MYRIP: variants seen among roughly 807,000 people sequenced by gnomAD.
MYRIP encodes the protein rab effector MyRIP.
A neutral mutation model predicts 98.0 loss-of-function variants in MYRIP; 49 were observed. The ratio of observed to expected loss-of-function variants is 0.50; its 90% CI spans 0.40 to 0.63. The LOEUF is 0.63. Ranked by LOEUF, MYRIP falls within the 30% of genes least tolerant of loss-of-function variation. The probability of loss-of-function intolerance (pLI) is 0.00; values close to 1 mark genes in which losing one functional copy is unlikely to be tolerated. For synonymous variants in MYRIP, 404 were observed against 409.5 expected, an observed-to-expected ratio of 0.99 and a Z score of 0.16; for missense variants, 1,004 against 1,058.2, an observed-to-expected ratio of 0.95 and a Z score of 0.71.
At chr3:39,881,985 C>T (rs529236013) in intron 1 of MYRIP, among the ~76,000 whole-genome samples, 5 of 151,928 alleles carry the variant, frequency 3.3e-5, no homozygotes, top group African/African-American at 1.2e-4. Context: ...TTTTGAGAGA[C>T]AGCATAGGAA....
At chr3:40,198,643 T>C (rs1951466741) in intron 10 of MYRIP, among the ~76,000 whole-genome samples, 1 of 152,208 alleles carries the variant, frequency 6.6e-6, no homozygotes, top group South Asian at 2.1e-4. Context: ...TTTTTGTTGA[T>C]TGAGACTTCA....
chr3:39,932,678 G>A (rs931344147), intron 2 of MYRIP, among the ~76,000 whole-genome samples: 1 of 152,112 alleles, frequency 6.6e-6, no homozygotes, highest in Non-Finnish European at 1.5e-5. Flanking sequence ...CCCTTTCAAT[G>A]TTCATTGACC....
rs551704619 is a variant in MYRIP, at chr3:39,819,118, G to A, written c.-31+9202G>A. On this transcript the variant is annotated intron_variant, in intron 1 of 16. Coordinates refer to ENST00000302541, the MANE Select transcript of MYRIP (RefSeq NM_015460.4). The stretch of plus-strand genomic sequence containing the variant: ...AATTCCAACACTTTGGGAGGCCGAG[G>A]TGTGTGGATCACCTGAGGTCAGGAG... 3.9e-5 allele frequency among the ~76,000 whole-genome samples: 6 copies of A among 152,318 alleles called. No individual in the cohort carries two copies. The South Asian group carries it at 6.2e-4, about 16-fold the overall frequency.
At chr3:40,029,426 T>C (rs1186021480) in intron 2 of MYRIP, among the ~76,000 whole-genome samples, 3 of 152,174 alleles carry the variant, frequency 2.0e-5, no homozygotes, top group Non-Finnish European at 2.9e-5. Flanking sequence ...TGCAGAGCAG[T>C]GAGCCCTGCT....
At chr3:40,132,987 C>T (rs1949678762) in intron 3 of MYRIP, among the ~76,000 whole-genome samples, 1 of 152,230 alleles carries the variant, frequency 6.6e-6, no homozygotes, top group South Asian at 2.1e-4. Flanking sequence ...AGCACTGGCT[C>T]ATGGTGGGAA....
chr3:39,861,792 G>GA (rs1230124699), intron 1 of MYRIP, among the ~76,000 whole-genome samples: 1 of 151,848 alleles, frequency 6.6e-6, no homozygotes, highest in Non-Finnish European at 1.5e-5. Flanking sequence ...AAAAGTAAAG[G>GA]AAAAAACAAT....
intron 3 of MYRIP, among the ~76,000 whole-genome samples, chr3:40,069,141 G>A (rs865841093): frequency 1.1e-4 from 16 of 152,256 alleles, no homozygotes; most frequent in Admixed American, 6.5e-4. Context: ...TCTCAGAAGT[G>A]GGTTCAGTAA....
chr3:39,877,732 T>G (rs1161444282), intron 1 of MYRIP, among the ~76,000 whole-genome samples: 3 of 152,138 alleles, frequency 2.0e-5, no homozygotes, highest in Non-Finnish European at 4.4e-5. Context: ...CCCGGCCATG[T>G]GAGGTGTCAG....
intron 1 of MYRIP, among the ~76,000 whole-genome samples, chr3:39,853,904 T>G (rs1424534065): frequency 6.6e-6 from 1 of 152,214 alleles, no homozygotes. Context: ...GATTTAAGTC[T>G]GATCTATCTT....
chr3:40,170,122 C>T (rs755911606), intron 8 of MYRIP, 29 bp downstream of exon 8: 1 of 1,611,752 alleles, frequency 6.2e-7, no homozygotes. Flanking sequence ...CTGGTCTACC[C>T]TCCACACGTG....
At chr3:39,980,288 G>A (rs35006569) in intron 2 of MYRIP, among the ~76,000 whole-genome samples, 41,976 of 152,124 alleles carry the variant, frequency 0.28, 6,442 homozygotes, top group Non-Finnish European at 0.35. Context: ...CCTTAAGGCA[G>A]GTGGCTGGCC....
chr3:40,012,505 C>T (rs1946780680), intron 2 of MYRIP, among the ~76,000 whole-genome samples: 1 of 152,174 alleles, frequency 6.6e-6, no homozygotes, highest in Admixed American at 6.5e-5. Flanking sequence ...GTGAACTTGA[C>T]CGGGCCCCAG....
chr3:40,053,759 C>T (rs972374539), intron 3 of MYRIP, among the ~76,000 whole-genome samples: 1 of 152,158 alleles, frequency 6.6e-6, no homozygotes, highest in Non-Finnish European at 1.5e-5. Flanking sequence ...CCTTACTCAA[C>T]CAGGCCCTGC....
intron 1 of MYRIP, among the ~76,000 whole-genome samples, chr3:39,878,123 C>T (rs1294804335): frequency 1.3e-5 from 2 of 152,186 alleles, no homozygotes; most frequent in African/African-American, 2.4e-5. Flanking sequence ...ATCAGCGAGA[C>T]TCCGTGGGCG....
chr3:39,976,685 C>G (rs528851968), intron 2 of MYRIP, among the ~76,000 whole-genome samples: 4 of 152,126 alleles, frequency 2.6e-5, no homozygotes, highest in African/African-American at 9.7e-5. Flanking sequence ...GAAAATATGG[C>G]ACATATACAC....
intron 1 of MYRIP, among the ~76,000 whole-genome samples, chr3:39,880,098 G>T (rs928220983): frequency 9.2e-5 from 14 of 151,742 alleles, no homozygotes; most frequent in African/African-American, 3.4e-4. Flanking sequence ...GGGTACATGT[G>T]CACAACGTGC....
At chr3:39,979,903 CTT>C (rs1349825718) in intron 2 of MYRIP, among the ~76,000 whole-genome samples, 1 of 152,146 alleles carries the variant, frequency 6.6e-6, no homozygotes, top group African/African-American at 2.4e-5. Flanking sequence ...AGGGAAAAGA[CTT>C]TTACAAGATC....
At chr3:39,846,976 G>A (rs1446352784) in intron 1 of MYRIP, among the ~76,000 whole-genome samples, 1 of 152,122 alleles carries the variant, frequency 6.6e-6, no homozygotes, top group East Asian at 1.9e-4. Context: ...CATTCTTTTT[G>A]TTCTATCCAG....
intron 8 of MYRIP, among the ~76,000 whole-genome samples, 155 bp from the exon 9 acceptor site, chr3:40,182,065 A>G (rs1381389808): frequency 6.6e-6 from 1 of 152,160 alleles, no homozygotes; most frequent in Admixed American, 6.5e-5. Flanking sequence ...GGCCTTATAT[A>G]CTGATTTGCA....
Sources: gnomAD v4.1 joint callset for allele counts (sites outside exome capture counted in the v4.1 genomes callset) on GRCh38, gnomAD v4.1.1 for gene constraint, MANE v1.5 for transcripts, NCBI Gene and HGNC (gene_info 2026-07-23, HGNC 2026-07-21) for gene names.